The following ORC3 variants were observed in gnomAD, a reference collection of about 807,000 sequenced individuals.
ORC3 encodes the protein homolog of latheo, Drosophila.
ORC3 carries 78 observed loss-of-function variants against 100.7 expected under a neutral mutation model. The ratio of observed to expected loss-of-function variants is 0.77; its 90% CI spans 0.65 to 0.94. ORC3 has a LOEUF of 0.94. Among genes scored for constraint, ORC3 ranks in the 40% least tolerant of loss-of-function variants. The pLI, the probability that ORC3 is intolerant of heterozygous loss-of-function variation, is 0.00. For missense variants in ORC3, 789 were observed against 823.9 expected, an observed-to-expected ratio of 0.96 and a Z score of 0.52; for synonymous variants, 295 against 289.3, an observed-to-expected ratio of 1.02 and a Z score of -0.20.
chr6:87,621,986 G>T lies in ORC3; in HGVS notation c.1158G>T (p.Ala386=). 2 of 1,608,452 alleles carry T rather than the reference G, an allele frequency of 1.2e-6. No individual in the cohort carries two copies. Among genetic ancestry groups the T allele is most frequent in the Non-Finnish European group, 1.7e-6 (2 of 1,176,096 alleles). The change falls in exon 11 of 20, where the codon GCG becomes GCT. Residue 386 remains alanine, a synonymous_variant. Coordinates refer to ENST00000392844, the MANE Select transcript of ORC3 (RefSeq NM_012381.4). ...AGCAAGCTTCAGAAAAGCAAGTTGC[G>T]CTCTTGACCAATGAGAGATATTTGA... ...VEKQASEKQV[A]LLTNERYLKE... is the part of the protein sequence containing the mutation.
intron 13 of ORC3, among the ~76,000 whole-genome samples, chr6:87,642,151 A>G (rs1218644695): frequency 6.6e-6 from 1 of 152,128 alleles, no homozygotes; most frequent in Non-Finnish European, 1.5e-5. Context: ...CAAAAAGTAT[A>G]TGAGCGTGGT....
At chr6:87,610,744 G>A (rs1213725065) in intron 7 of ORC3, among the ~76,000 whole-genome samples, 7 of 143,828 alleles carry the variant, frequency 4.9e-5, no homozygotes, top group African/African-American at 1.6e-4. Context: ...TAGTAGAGAC[G>A]GGGTTTCACC....
intron 13 of ORC3, 55 bp from the exon 14 acceptor site, chr6:87,653,061 T>C: frequency 7.1e-7 from 1 of 1,407,060 alleles, no homozygotes; most frequent in Non-Finnish European, 9.7e-7. Context: ...TAAAATGTTT[T>C]TTAAGTGTTA....
chr6:87,602,631 A>G (rs1777994083), intron 3 of ORC3, among the ~76,000 whole-genome samples: 1 of 152,060 alleles, frequency 6.6e-6, no homozygotes, highest in Non-Finnish European at 1.5e-5. Context: ...TGATCCTTCA[A>G]GGTATTTGAA....
At chr6:87,651,821 T>A (rs1468485258) in intron 13 of ORC3, among the ~76,000 whole-genome samples, 1 of 152,192 alleles carries the variant, frequency 6.6e-6, no homozygotes, top group Non-Finnish European at 1.5e-5. Context: ...TTATGAAAGA[T>A]GTCAAATATA....
the ORC3 span, among the ~76,000 whole-genome samples, chr6:87,676,616 C>CACACACACACACACACAT: frequency 1.3e-5 from 2 of 148,600 alleles, no homozygotes; most frequent in South Asian, 4.2e-4. Context: ...CACACACACA[C>CACACACACACACACACAT]ACACACACAC....
Position 87,595,627 on chromosome 6 carries a change from T to C in ORC3, c.79+1220T>C, listed in dbSNP as rs145178305. On this transcript the variant is annotated intron_variant, in intron 2 of 19. Coordinates refer to ENST00000392844, the MANE Select transcript of ORC3 (RefSeq NM_012381.4). ...CTACCAGTTTGCACCCTCCATCATCTCTCGGAAGCACCAGGGTCCCACACA... is the reference window on the plus strand; with the variant it reads ...CTACCAGTTTGCACCCTCCATCATCCCTCGGAAGCACCAGGGTCCCACACA... Among the ~76,000 whole-genome samples the C allele has an allele frequency of 3.9e-3, 588 of 152,282 alleles. 2 individuals carry two copies. Among genetic ancestry groups the C allele is most frequent in the Non-Finnish European group, 6.3e-3 (428 of 68,012 alleles).
rs747686139 is a variant in ORC3 at position 87,645,984 on chromosome 6, C to CTTT, written c.1383-7124_1383-7122dup. ...GTGAAATAATTTTTTCTTTTTTTTT[C>CTTT]TTTTTTTTTTCTTTTTTTTTGAGGC... is the stretch of plus-strand genomic sequence containing the variant. On this transcript the variant is annotated intron_variant, in intron 13 of 19. Transcript: ENST00000392844. 5.1e-4 allele frequency among the ~76,000 whole-genome samples: 65 copies of CTTT among 126,990 alleles called. 9 individuals carry two copies. Among genetic ancestry groups the CTTT allele is most frequent in the African/African-American group, 6.5e-4 (21 of 32,484 alleles). 83.3% of individuals were successfully genotyped at this position (126,990 alleles called of 152,430 possible).
intron 5 of ORC3, 123 bp downstream of exon 5, chr6:87,606,144 G>T: frequency 1.7e-6 from 1 of 587,886 alleles, no homozygotes. Context: ...CTATGTTTTA[G>T]GCAGGGTGAG....
At chr6:87,655,052 A>C (rs1769563519) in intron 14 of ORC3, among the ~76,000 whole-genome samples, 1 of 152,222 alleles carries the variant, frequency 6.6e-6, no homozygotes, top group African/African-American at 2.4e-5. Context: ...TTAATAATAA[A>C]CTGAAACTAA....
chr6:87,658,301 C>T (rs899653825), intron 16 of ORC3, among the ~76,000 whole-genome samples: 1 of 151,954 alleles, frequency 6.6e-6, no homozygotes, highest in Non-Finnish European at 1.5e-5. Flanking sequence ...ACTGAAAGTA[C>T]AAAAAATTAG....
chr6:87,642,465 C>T lies in ORC3; in HGVS notation c.1382+5979C>T, dbSNP rs531752100. On this transcript the variant is annotated intron_variant, in intron 13 of 19. Coordinates refer to ENST00000392844, the MANE Select transcript of ORC3 (RefSeq NM_012381.4). ...AATTAGTGTGGCACATGCCTGTAAT[C>T]CCAGCTACTCAGGAGGCTGAGGCAG... Among the ~76,000 whole-genome samples the T allele has an allele frequency of 3.8e-3, 576 of 152,116 alleles. 2 individuals carry two copies. The highest frequency in any genetic ancestry group is 6.2e-3 in the Non-Finnish European group (421 of 68,016).
intron 8 of ORC3, among the ~76,000 whole-genome samples, chr6:87,614,274 G>A (rs914738295): frequency 1.3e-5 from 2 of 152,218 alleles, no homozygotes; most frequent in Non-Finnish European, 2.9e-5. Flanking sequence ...CACAGCTGGA[G>A]TGGCTAGGAC....
At position 87,612,042 on chromosome 6, in the gene ORC3, A is replaced by G. The variant is rs1429660201; in HGVS notation, c.714-47A>G. The G allele has an allele frequency of 3.3e-6, 5 of 1,534,980 alleles. No homozygotes were observed. In the East Asian group the frequency reaches 6.8e-5, roughly 21 times the overall value. On this transcript the variant is annotated intron_variant, in intron 7 of 19. Transcript: ENST00000392844. ...ATGTTGAAATATGATGTATTGAAAT[A>G]TATTTGCTAAATAAATTTCACTTTT...
intron 11 of ORC3, among the ~76,000 whole-genome samples, chr6:87,625,972 G>A (rs1583073647): frequency 6.6e-6 from 1 of 152,100 alleles, no homozygotes; most frequent in Admixed American, 6.5e-5. Flanking sequence ...TTTTTGTCAG[G>A]TTTGTCAAAG....
chr6:87,662,583 TTGC>T (rs1374168081), intron 16 of ORC3, among the ~76,000 whole-genome samples: 1 of 152,250 alleles, frequency 6.6e-6, no homozygotes, highest in Non-Finnish European at 1.5e-5. Flanking sequence ...GGTTAAATGT[TTGC>T]TGTGCTAGAA....
In ORC3 at chr6:87,653,201, A is replaced by C; in HGVS notation, c.1468A>C (p.Thr490Pro). 6.2e-7 allele frequency: 1 copy of C among 1,614,026 alleles called. No homozygotes were observed. Among genetic ancestry groups the C allele is most frequent in the South Asian group, 1.1e-5 (1 of 91,072 alleles). ...KSYCENHLGSTAKRIEEFLAQ... is the reference protein window; with the variant it reads ...KSYCENHLGSPAKRIEEFLAQ... ...TTATTGTGAAAACCACCTTGGCAGCACAGCTAAGAGAATAGAGGAGTTCCT... is the reference window on the plus strand; with the variant it reads ...TTATTGTGAAAACCACCTTGGCAGCCCAGCTAAGAGAATAGAGGAGTTCCT... Residue 490 changes from threonine (T) to proline (P), a missense_variant, in exon 14 of 20, where the codon ACA becomes CCA. Around this residue, in one of 3 missense-constraint regions of ORC3, gnomAD observed 366 missense variants for 394.2 expected, o/e 0.93. Transcript: ENST00000392844.
chr6:87,637,399 A>G (rs974284240), intron 13 of ORC3, among the ~76,000 whole-genome samples: 1 of 152,152 alleles, frequency 6.6e-6, no homozygotes, highest in Non-Finnish European at 1.5e-5. Context: ...ATACCTCCCC[A>G]TGGAAACTAG....
intron 6 of ORC3, 45 bp from the exon 7 acceptor site, chr6:87,609,051 G>A (rs776468733): frequency 1.4e-5 from 21 of 1,512,008 alleles, no homozygotes; most frequent in Non-Finnish European, 1.7e-5. Context: ...TTGTTTGAGT[G>A]GTAAGGCTTA....
Sources: gnomAD v4.1 joint callset for allele counts (sites outside exome capture counted in the v4.1 genomes callset) on GRCh38, gnomAD v4.1.1 for gene constraint, gnomAD v4.1.1 regional missense constraint, MANE v1.5 for transcripts, NCBI Gene and HGNC (gene_info 2026-07-23, HGNC 2026-07-21) for gene names.